USP8: variants seen among roughly 807,000 people sequenced by gnomAD.
USP8 encodes ubiquitin carboxyl-terminal hydrolase 8.
A neutral mutation model predicts 130.0 loss-of-function variants in USP8; 27 were observed. The ratio of observed to expected loss-of-function variants is 0.21; its 90% CI spans 0.15 to 0.29. The LOEUF is 0.29. USP8 is among the 10% of genes least tolerant of loss of function. USP8 has a pLI of 1.00. For synonymous variants in USP8, 392 were observed against 444.1 expected (o/e 0.88, Z 1.48); for missense variants, 1,029 against 1,312.2 (o/e 0.78, Z 3.33).
At chr15:50,459,661 A>G (rs1351983599) in intron 5 of USP8, among the ~76,000 whole-genome samples, 2 of 152,204 alleles carry the variant, frequency 1.3e-5, no homozygotes, top group African/African-American at 4.8e-5. Flanking sequence ...TTCTATGGCA[A>G]TATTTTCTCT....
chr15:50,506,043 A>G lies in USP8; in HGVS notation c.*6955A>G, dbSNP rs542450137. The stretch of plus-strand genomic sequence containing the variant: ...CTTTCCATTTCTTTGGGAGCAGAGT[A>G]TAAAGATCTTGATTAACTTTAGGCT... On this transcript the variant is annotated 3_prime_UTR_variant, in exon 20 of 20. Coordinates refer to ENST00000307179, the MANE Select transcript of USP8 (RefSeq NM_005154.5). 1 of 152,236 alleles carries G rather than the reference A, an allele frequency of 6.6e-6. No individual in the cohort carries two copies. The highest frequency in any genetic ancestry group is 2.4e-5 in the African/African-American group (1 of 41,458). 9.4% of individuals were successfully genotyped at this position (152,236 alleles called of 1,614,324 possible). A position where few individuals can be genotyped will look rare whatever the true frequency, so the allele number is the denominator to read the frequency against.
At chr15:50,428,914 C>A (rs969543100) in intron 1 of USP8, among the ~76,000 whole-genome samples, 1 of 152,156 alleles carries the variant, frequency 6.6e-6, no homozygotes, top group African/African-American at 2.4e-5. Context: ...GTTACTTGAA[C>A]ACAAGCACTG....
Position 50,481,672 on chromosome 15 carries a change from T to C in USP8, c.1410T>C (p.Ala470=), listed in dbSNP as rs746211011. Residue 470 remains alanine, a synonymous_variant, in exon 11 of 20, where the codon GCT becomes GCC. Transcript: ENST00000307179. ...EEKARIHAET[A]LLMEKNKQEK... ...AGGCTCGTATTCATGCAGAAACTGCTCTTCTAATGGAAAAAAACAAACAAG... is the reference window on the plus strand; with the variant it reads ...AGGCTCGTATTCATGCAGAAACTGCCCTTCTAATGGAAAAAAACAAACAAG... The C allele has an allele frequency of 3.1e-6, 5 of 1,612,150 alleles. No individual in the cohort carries two copies. In the Admixed American group the frequency reaches 8.4e-5, roughly 27 times the overall value.
rs150760397 is a variant in USP8, at chr15:50,492,837, A to G, written c.2371A>G (p.Ile791Val). The G allele has an allele frequency of 1.1e-4, 174 of 1,614,030 alleles. No homozygotes were observed. Among genetic ancestry groups the G allele is most frequent in the Middle Eastern group, 8.2e-4 (5 of 6,084 alleles). ...NLGNTCYMNS[I>V]LQCLCNAPHL... ...AGGAAATACTTGTTATATGAACTCA[A>G]TATTGCAGTGCCTATGTAACGCTCC... is the stretch of plus-strand genomic sequence containing the variant. Residue 791 changes from isoleucine to valine, a missense_variant, in exon 15 of 20, where the codon ATA becomes GTA. Physicochemically the swap from Ile to Val is conservative, Grantham distance 29 (BLOSUM62 3). Coordinates refer to ENST00000307179, the MANE Select transcript of USP8 (RefSeq NM_005154.5).
intron 16 of USP8, among the ~76,000 whole-genome samples, chr15:50,495,493 G>T (rs886309828): frequency 2.3e-5 from 3 of 130,948 alleles, no homozygotes; most frequent in African/African-American, 9.7e-5. Flanking sequence ...TGGAGGGGGG[G>T]GTCTCACTAT....
rs2052774699 is a variant in USP8, at chr15:50,514,101, A to G, written c.*15013A>G. 1 of 152,256 alleles carries G rather than the reference A, an allele frequency of 6.6e-6. No homozygotes were observed. The highest frequency in any genetic ancestry group is 2.1e-4 in the South Asian group (1 of 4,836). 9.4% of individuals were successfully genotyped at this position (152,256 alleles called of 1,614,324 possible). On this transcript the variant is annotated 3_prime_UTR_variant, in exon 20 of 20. Coordinates refer to ENST00000307179, the MANE Select transcript of USP8 (RefSeq NM_005154.5). ...CAGCAATGAGAATGAATAAATTACA[A>G]TATAAACAACAATATGGATGAACAT...
chr15:50,428,337 G>A (rs1219834263), intron 1 of USP8, among the ~76,000 whole-genome samples: 2 of 152,050 alleles, frequency 1.3e-5, no homozygotes, highest in Non-Finnish European at 2.9e-5. Context: ...GGCTGGTCAC[G>A]AACTCCTGAG....
chr15:50,474,349 T>C (rs1269708743), intron 8 of USP8, among the ~76,000 whole-genome samples: 1 of 152,112 alleles, frequency 6.6e-6, no homozygotes, highest in African/African-American at 2.4e-5. Context: ...CTGGTGAGCA[T>C]GTGGTGAGAA....
At chr15:50,492,584 AACT>A (rs1411765459) in intron 14 of USP8, 114 bp from the exon 15 acceptor site, 1 of 954,660 alleles carries the variant, frequency 1.0e-6, no homozygotes, top group African/African-American at 1.6e-5. Flanking sequence ...TTAACATATT[AACT>A]GTTTACAAGA....
chr15:50,501,559 G>A lies in USP8; in HGVS notation c.*2471G>A, dbSNP rs1464795685. 1 of 151,194 alleles carries A rather than the reference G, an allele frequency of 6.6e-6. No individual in the cohort carries two copies. Among genetic ancestry groups the A allele is most frequent in the East Asian group, 1.9e-4 (1 of 5,166 alleles). 9.4% of individuals were successfully genotyped at this position (151,194 alleles called of 1,614,324 possible). The stretch of plus-strand genomic sequence containing the variant: ...GCCACAGAAGAGACATTTAACATTA[G>A]AATAAGGATCTTAACTGCATATTGC... On this transcript the variant is annotated 3_prime_UTR_variant, in exon 20 of 20. Transcript: ENST00000307179.
intron 7 of USP8, 48 bp downstream of exon 7, chr15:50,465,239 C>A: frequency 6.5e-7 from 1 of 1,548,386 alleles, no homozygotes; most frequent in Non-Finnish European, 8.7e-7. Context: ...AAGTAGTAAA[C>A]TGTGGACCTT....
At chr15:50,456,897 G>A (rs1287964719) in intron 4 of USP8, among the ~76,000 whole-genome samples, 1 of 151,658 alleles carries the variant, frequency 6.6e-6, no homozygotes, top group Non-Finnish European at 1.5e-5. Context: ...AAAAGAAAAA[G>A]AAAAAAAAGA....
chr15:50,493,787 C>T (rs2052268361), intron 15 of USP8: 1 of 540,720 alleles, frequency 1.8e-6, no homozygotes, highest in Non-Finnish European at 3.4e-6. Flanking sequence ...AAAGGACAGA[C>T]AGGATGAGAG....
At chr15:50,448,286 T>C (rs2050505960) in intron 3 of USP8, among the ~76,000 whole-genome samples, 1 of 152,192 alleles carries the variant, frequency 6.6e-6, no homozygotes, top group African/African-American at 2.4e-5. Flanking sequence ...AAAGTCATAT[T>C]GACATGTTGT....
rs1431313426 is a variant in USP8, at chr15:50,456,591, T to A, written c.336-2409T>A. Among the ~76,000 whole-genome samples the A allele has an allele frequency of 6.1e-5, 9 of 146,756 alleles. 1 individual carries two copies. Among genetic ancestry groups the A allele is most frequent in the Non-Finnish European group, 1.2e-4 (8 of 66,426 alleles). On this transcript the variant is annotated intron_variant, in intron 4 of 19. Transcript: ENST00000307179. Reference sequence around the variant, plus strand: ...TCCGTCTCAAAAAAAAAAAAAAAAATTAACTGCTTAATGGCCGGGTGTGGT... The same window carrying A: ...TCCGTCTCAAAAAAAAAAAAAAAAAATAACTGCTTAATGGCCGGGTGTGGT...
intron 1 of USP8, among the ~76,000 whole-genome samples, chr15:50,437,437 A>G (rs767236973): frequency 1.3e-5 from 2 of 152,222 alleles, no homozygotes; most frequent in Non-Finnish European, 2.9e-5. Flanking sequence ...GTATCGTATT[A>G]CACATATTCT....
chr15:50,442,152 T>C (rs1248530194), intron 3 of USP8, among the ~76,000 whole-genome samples: 5 of 151,980 alleles, frequency 3.3e-5, no homozygotes, highest in Non-Finnish European at 5.9e-5. Context: ...TTTTGTATTT[T>C]TGGTAGAGAT....
chr15:50,497,074 GT>G lies in USP8; in HGVS notation c.2896-8del. On this transcript the variant is annotated splice_polypyrimidine_tract_variant and intron_variant, in intron 17 of 19. Transcript: ENST00000307179. ...TCGAATTAACGAGTATCTGCTACTT[GT>G]TTTTTTCTGCCAGGATTGCCTTAGA... 1.3e-6 allele frequency: 2 copies of G among 1,585,780 alleles called. No individual in the cohort carries two copies. The highest frequency in any genetic ancestry group is 2.3e-5 in the East Asian group (1 of 43,490).
intron 4 of USP8, among the ~76,000 whole-genome samples, chr15:50,456,319 C>G (rs2050787575): frequency 1.3e-5 from 2 of 152,144 alleles, no homozygotes; most frequent in South Asian, 4.1e-4. Context: ...TGCCTGTAAT[C>G]CCAGCACTTT....
Sources: allele counts gnomAD v4.1 joint callset (sites outside exome capture counted in the v4.1 genomes callset), GRCh38; gene constraint gnomAD v4.1.1; transcripts MANE v1.5; gene names NCBI Gene and HGNC (gene_info 2026-07-23, HGNC 2026-07-21).